Variants in BUD13 observed in about 807,000 individuals in gnomAD.
The protein encoded by BUD13 is BUD13 homolog.
BUD13 carries 47 observed loss-of-function variants against 62.5 expected under a neutral mutation model. The observed-to-expected ratio is 0.75, with a 90% CI of 0.60 to 0.96. The LOEUF (loss-of-function observed/expected upper bound fraction) is 0.96. Among genes scored for constraint, BUD13 ranks in the 40% least tolerant of loss-of-function variants. The pLI is 0.00. For synonymous variants in BUD13, 293 were observed against 280.1 expected, an observed-to-expected ratio of 1.05 and a Z score of -0.46; for missense variants, 821 against 790.9, an observed-to-expected ratio of 1.04 and a Z score of -0.46.
intron 4 of BUD13, among the ~76,000 whole-genome samples, chr11:116,761,765 G>A (rs535949812): frequency 1.3e-5 from 2 of 152,290 alleles, no homozygotes; most frequent in Admixed American, 6.5e-5. Context: ...AAATTTCACT[G>A]CACAGGCCTA....
chr11:116,748,553 G>A lies in BUD13; in HGVS notation c.1789C>T (p.Arg597Cys), dbSNP rs748728060. The A allele has an allele frequency of 1.5e-5, 25 of 1,614,036 alleles. No individual in the cohort carries two copies. The highest frequency in any genetic ancestry group is 6.7e-5 in the East Asian group (3 of 44,900). ...VDRSNGFEQK[R>C]FARLASKKAV... ...TTCTTGCTGGCAAGCCTGGCAAAGC[G>A]CTTCTGTTCAAATCCATTGGATCTG... Residue 597 changes from arginine (R) to cysteine (C), a missense_variant, in exon 10 of 10, where the codon CGC (arginine) becomes TGC (cysteine). Arg to Cys is a radical substitution (Grantham distance 180). Transcript: ENST00000260210.
chr11:116,753,821 A>G (rs1940281697), intron 9 of BUD13, among the ~76,000 whole-genome samples: 1 of 152,228 alleles, frequency 6.6e-6, no homozygotes, highest in African/African-American at 2.4e-5. Context: ...AAACAAAATA[A>G]ACCAGCTAAA....
chr11:116,758,070 T>C, intron 7 of BUD13, 120 bp from the exon 8 acceptor site: 1 of 1,426,810 alleles, frequency 7.0e-7, no homozygotes, highest in Non-Finnish European at 9.5e-7. Flanking sequence ...GGGCAAATAC[T>C]GAGCAGGGTA....
intron 2 of BUD13, among the ~76,000 whole-genome samples, chr11:116,767,610 A>G (rs1002992330): frequency 6.6e-6 from 1 of 151,014 alleles, no homozygotes; most frequent in African/African-American, 2.4e-5. Flanking sequence ...AAAAAAAAAA[A>G]AAGAAACTGG....
intron 8 of BUD13, 147 bp from the exon 9 acceptor site, chr11:116,757,374 C>A (rs1421988715): frequency 1.4e-6 from 1 of 705,102 alleles, no homozygotes; most frequent in Non-Finnish European, 2.4e-6. Context: ...CAGCTCACTG[C>A]AACCTCTGCC....
rs761277212 is a variant in BUD13, at chr11:116,760,842, G to A, written c.1147C>T (p.His383Tyr). The change falls in exon 5 of 10, where the codon CAC (histidine) becomes TAC (tyrosine). Residue 383 changes from histidine to tyrosine, a missense_variant. This residue lies in a region of BUD13 where 800 missense variants were observed against 739.2 expected (regional missense o/e 1.08). Transcript: ENST00000260210. ...GAGAGGTCAGAATCAGAGCTCCGGT[G>A]TCTAGGTCTATTCCGTGGAGGTGAC... ...DLSPPRNRPR[H>Y]RSSDSDLSPP... 63 of 1,614,004 alleles carry A rather than the reference G, an allele frequency of 3.9e-5. No individual in the cohort carries two copies. The highest frequency in any genetic ancestry group is 5.0e-5 in the Non-Finnish European group (59 of 1,180,016).
At chr11:116,750,804 C>A (rs1940218479) in intron 9 of BUD13, among the ~76,000 whole-genome samples, 1 of 152,182 alleles carries the variant, frequency 6.6e-6, no homozygotes, top group South Asian at 2.1e-4. Flanking sequence ...AGGGTGAAGA[C>A]CAAGCTCCTC....
At chr11:116,768,087 G>A (rs1048786998) in intron 2 of BUD13, among the ~76,000 whole-genome samples, 2 of 151,846 alleles carry the variant, frequency 1.3e-5, no homozygotes, top group Non-Finnish European at 2.9e-5. Flanking sequence ...TAAATTGGTA[G>A]CACCTTTTGG....
At position 116,762,645 on chromosome 11, in the gene BUD13, T is replaced by C; in HGVS notation, c.944A>G (p.Asn315Ser). The C allele has an allele frequency of 6.2e-7, 1 of 1,614,208 alleles. No individual in the cohort carries two copies. Among genetic ancestry groups the C allele is most frequent in the Middle Eastern group, 1.6e-4 (1 of 6,062 alleles). Reference sequence around the variant, plus strand: ...GTCAGGGTCATACTCATATTTGCTGTTCTTTGGGAATGACAAATGGGAGGC... The same window carrying C: ...GTCAGGGTCATACTCATATTTGCTGCTCTTTGGGAATGACAAATGGGAGGC... ...SGASHLSFPK[N>S]SKYEYDPDIS... The change falls in exon 4 of 10, where the codon AAC becomes AGC. Residue 315 changes from asparagine (N) to serine (S), a missense_variant. Physicochemically the swap from Asn to Ser is conservative, Grantham distance 46 (BLOSUM62 1). This residue lies in a region of BUD13 where 800 missense variants were observed against 739.2 expected (regional missense o/e 1.08). Coordinates refer to ENST00000260210, the MANE Select transcript of BUD13 (RefSeq NM_032725.4).
At chr11:116,758,479 G>A (rs776002143) in intron 6 of BUD13, 72 bp from the exon 7 acceptor site, 55 of 1,525,352 alleles carry the variant, frequency 3.6e-5, no homozygotes, top group Middle Eastern at 1.9e-4. Flanking sequence ...CAAATCAACC[G>A]CTTGGGATTC....
chr11:116,765,575 T>C (rs1171411328), intron 2 of BUD13, 129 bp from the exon 3 acceptor site: 4 of 889,610 alleles, frequency 4.5e-6, no homozygotes, highest in African/African-American at 3.3e-5. Context: ...AAAATGGTCA[T>C]GAAGAAGTAA....
chr11:116,763,454 C>T (rs1454344320), intron 3 of BUD13, among the ~76,000 whole-genome samples, 188 bp from the exon 4 acceptor site: 1 of 152,168 alleles, frequency 6.6e-6, no homozygotes, highest in African/African-American at 2.4e-5. Context: ...AGAATAACCC[C>T]TCCGCCTACC....
At chr11:116,758,475 A>G in intron 6 of BUD13, 68 bp from the exon 7 acceptor site, 1 of 1,548,174 alleles carries the variant, frequency 6.5e-7, no homozygotes, top group Non-Finnish European at 8.8e-7. Flanking sequence ...AGATCAAATC[A>G]ACCGCTTGGG....
intron 9 of BUD13, among the ~76,000 whole-genome samples, chr11:116,751,689 G>A (rs1940237524): frequency 6.6e-6 from 1 of 152,136 alleles, no homozygotes; most frequent in African/African-American, 2.4e-5. Context: ...TAGAAGCATG[G>A]ATGGTATTCC....
At chr11:116,758,162 T>C (rs1405725084) in intron 7 of BUD13, 107 bp downstream of exon 7, 3 of 1,513,250 alleles carry the variant, frequency 2.0e-6, no homozygotes, top group Admixed American at 2.0e-5. Context: ...TTCCCATTAC[T>C]GATAACAGCT....
chr11:116,766,687 T>A (rs946329119), intron 2 of BUD13, among the ~76,000 whole-genome samples: 6 of 152,248 alleles, frequency 3.9e-5, no homozygotes, highest in African/African-American at 1.4e-4. Context: ...AAATGCCCAA[T>A]AAATGACACC....
intron 7 of BUD13, 89 bp from the exon 8 acceptor site, chr11:116,758,039 T>A: frequency 6.6e-7 from 1 of 1,523,796 alleles, no homozygotes; most frequent in Non-Finnish European, 8.9e-7. Context: ...GTTTGGACAA[T>A]CTCCTCTTTC....
intron 9 of BUD13, among the ~76,000 whole-genome samples, chr11:116,756,447 G>T (rs576958245): frequency 6.6e-6 from 1 of 152,190 alleles, no homozygotes; most frequent in East Asian, 1.9e-4. Context: ...AGGAGGCAGA[G>T]GTTGCAGTGA....
intron 1 of BUD13, among the ~76,000 whole-genome samples, chr11:116,771,510 C>T (rs1940628706): frequency 1.3e-5 from 2 of 152,168 alleles, no homozygotes; most frequent in African/African-American, 4.8e-5. Flanking sequence ...TCACAACCAC[C>T]ACTTAATAAA....
Sources: allele counts gnomAD v4.1 joint callset (sites outside exome capture counted in the v4.1 genomes callset), GRCh38; gene constraint gnomAD v4.1.1; regional missense constraint gnomAD v4.1.1; transcripts MANE v1.5; gene names NCBI Gene and HGNC (gene_info 2026-07-23, HGNC 2026-07-21).